The following ZDHHC11B variants were observed in gnomAD, a reference collection of about 807,000 sequenced individuals.
The protein encoded by ZDHHC11B is probable palmitoyltransferase ZDHHC11B.
A neutral mutation model predicts 42.3 loss-of-function variants in ZDHHC11B; 17 were observed. The observed-to-expected ratio is 0.40, with a 90% CI of 0.27 to 0.60. The LOEUF (loss-of-function observed/expected upper bound fraction) is 0.60. Among genes scored for constraint, ZDHHC11B ranks in the 20% least tolerant of loss-of-function variants. The pLI, the probability that ZDHHC11B is intolerant of heterozygous loss-of-function variation, is 0.41. For synonymous variants in ZDHHC11B, 123 were observed against 193.5 expected (o/e 0.64, Z 3.02); for missense variants, 262 against 463.2 (o/e 0.57, Z 3.99).
intron 12 of ZDHHC11B, among the ~76,000 whole-genome samples, chr5:726,289 C>T (rs1392932413): frequency 8.6e-5 from 13 of 151,420 alleles, no homozygotes; most frequent in Admixed American, 2.0e-4. Context: ...TTGTAATGTG[C>T]GCAGCAGGCA....
At chr5:777,915 G>T (rs904691917) in intron 1 of ZDHHC11B, among the ~76,000 whole-genome samples, 1 of 151,064 alleles carries the variant, frequency 6.6e-6, no homozygotes, top group Non-Finnish European at 1.5e-5. Flanking sequence ...CGGGGCGGGG[G>T]AGGGGGGGCG....
chr5:739,442 A>G (rs1231384397), intron 10 of ZDHHC11B, among the ~76,000 whole-genome samples: 6 of 151,022 alleles, frequency 4.0e-5, no homozygotes, highest in African/African-American at 1.5e-4. Context: ...ATCCCATCAA[A>G]AAGTGGGCAA....
rs1394642408 is a variant in ZDHHC11B, at chr5:750,911, C to T, written c.628+222G>A. On this transcript the variant is annotated intron_variant, in intron 7 of 13. Coordinates refer to ENST00000508859, the MANE Select transcript of ZDHHC11B (RefSeq NM_001351303.2). Reference sequence around the variant, plus strand: ...CGACCTGGCAGCATCTACAGAGCAGCGTGGCCAGCGCCCTCCCCGAGCCTG... The same window carrying T: ...CGACCTGGCAGCATCTACAGAGCAGTGTGGCCAGCGCCCTCCCCGAGCCTG... Among the ~76,000 whole-genome samples, 5 of 120,664 alleles carry T rather than the reference C, an allele frequency of 4.1e-5. 1 individual carries two copies. Among genetic ancestry groups the T allele is most frequent in the African/African-American group, 1.3e-4 (5 of 37,998 alleles). 79.2% of individuals were successfully genotyped at this position (120,664 alleles called of 152,430 possible).
chr5:753,676 T>C (rs1258346722), intron 6 of ZDHHC11B, among the ~76,000 whole-genome samples: 1 of 148,276 alleles, frequency 6.7e-6, no homozygotes, highest in Non-Finnish European at 1.5e-5. Context: ...AGGAGGCGGG[T>C]GGGTCTCCCC....
In ZDHHC11B at chr5:710,851, TACTGTGAGCTCCCATTTCC is replaced by T; in HGVS notation, c.*1420_*1438del. 1 of 146,058 alleles carries T rather than the reference TACTGTGAGCTCCCATTTCC, an allele frequency of 6.8e-6. No homozygotes were observed. Among genetic ancestry groups the T allele is most frequent in the African/African-American group, 2.6e-5 (1 of 37,866 alleles). The allele number at this position is 146,058 out of a possible 1,614,324, so 9.0% of individuals were successfully genotyped here. On this transcript the variant is annotated 3_prime_UTR_variant, in exon 14 of 14. Transcript: ENST00000508859. Reference sequence around the variant, plus strand: ...AGTACTGTGAGCTCCCATTTCCCAGTACTGTGAGCTCCCATTTCCCAGTACTGTGCTCCCAATTCCCAGT... The same window carrying T: ...AGTACTGTGAGCTCCCATTTCCCAGTCAGTACTGTGCTCCCAATTCCCAGT...
Position 777,540 on chromosome 5 carries a change from G to A in ZDHHC11B, c.-230+7128C>T, listed in dbSNP as rs572172397. On this transcript the variant is annotated intron_variant, in intron 1 of 13. Coordinates refer to ENST00000508859, the MANE Select transcript of ZDHHC11B (RefSeq NM_001351303.2). Reference sequence around the variant, plus strand: ...AACTTTCCACAGCGGAGAAGAGAATGGAGTCAGGTTGCGGCAGGGCGTTCC... The same window carrying A: ...AACTTTCCACAGCGGAGAAGAGAATAGAGTCAGGTTGCGGCAGGGCGTTCC... Among the ~76,000 whole-genome samples the A allele has an allele frequency of 6.1e-4, 92 of 151,986 alleles. 3 individuals are homozygous for A. The highest frequency in any genetic ancestry group is 9.7e-4 in the African/African-American group (40 of 41,446).
intron 11 of ZDHHC11B, chr5:732,544 C>A: frequency 5.1e-6 from 2 of 391,340 alleles, no homozygotes; most frequent in South Asian, 1.9e-5. Flanking sequence ...GCTGGAAGTG[C>A]AGGCAAGGGG....
intron 12 of ZDHHC11B, among the ~76,000 whole-genome samples, chr5:722,013 CA>C (rs1436864753): frequency 6.6e-6 from 1 of 151,664 alleles, no homozygotes; most frequent in African/African-American, 2.4e-5. Context: ...AATACAAATC[CA>C]TAGAGGGAAG....
At chr5:742,996 G>A (rs1216245936) in intron 9 of ZDHHC11B, among the ~76,000 whole-genome samples, 4 of 149,794 alleles carry the variant, frequency 2.7e-5, no homozygotes, top group African/African-American at 4.9e-5. Context: ...ATGGATTTGG[G>A]GCTAATTCTT....
intron 10 of ZDHHC11B, among the ~76,000 whole-genome samples, chr5:740,372 G>A (rs1744033858): frequency 1.2e-5 from 1 of 81,116 alleles, no homozygotes; most frequent in Non-Finnish European, 2.8e-5. Flanking sequence ...CATGAGGTCA[G>A]GAGATAGAGA....
chr5:725,767 C>A (rs1285147670), intron 12 of ZDHHC11B, among the ~76,000 whole-genome samples: 3 of 151,986 alleles, frequency 2.0e-5, no homozygotes, highest in Admixed American at 6.5e-5. Context: ...AAGTTCCAGA[C>A]AAGCACCATT....
At chr5:720,345 AG>A in intron 12 of ZDHHC11B, among the ~76,000 whole-genome samples, 1 of 151,824 alleles carries the variant, frequency 6.6e-6, no homozygotes, top group Non-Finnish European at 1.5e-5. Context: ...GAAACTAAGG[AG>A]GCTCAAAGGC....
In ZDHHC11B at chr5:777,779, A is replaced by G. The variant is rs558329173; in HGVS notation, c.-230+6889T>C. On this transcript the variant is annotated intron_variant, in intron 1 of 13. Coordinates refer to ENST00000508859, the MANE Select transcript of ZDHHC11B (RefSeq NM_001351303.2). ...AGCTAGCTTTCTCTATCGGATCCTG[A>G]GCCCCGCAGCAGGCGGAGCTGCCCG... Among the ~76,000 whole-genome samples the G allele has an allele frequency of 8.6e-5, 13 of 152,020 alleles. No homozygotes were observed. In the South Asian group the frequency reaches 2.7e-3, roughly 32 times the overall value.
chr5:733,852 G>A lies in ZDHHC11B; in HGVS notation c.936-13C>T, dbSNP rs2020058. 2.3e-3 allele frequency: 3,686 copies of A among 1,584,232 alleles called. 200 individuals are homozygous for A. The highest frequency in any genetic ancestry group is 0.023 in the African/African-American group (1,571 of 68,484). ...CTTGGCCTTGACTCTGGTGGGACAG[G>A]AAGGAGGAGAGAAACTCATCTCAGC... On this transcript the variant is annotated splice_polypyrimidine_tract_variant and intron_variant, in intron 10 of 13. Transcript: ENST00000508859.
At chr5:722,005 T>C (rs1742229170) in intron 12 of ZDHHC11B, among the ~76,000 whole-genome samples, 1 of 151,640 alleles carries the variant, frequency 6.6e-6, no homozygotes, top group South Asian at 2.1e-4. Flanking sequence ...CTGGAAACAA[T>C]ACAAATCCAT....
At position 746,441 on chromosome 5, in the gene ZDHHC11B, C is replaced by T. The variant is rs187498935; in HGVS notation, c.785-1143G>A. ...TCACGGGGGTGGGGACAGGCCTGGG[C>T]GTCCTGCTTCCAGGCATCCTGCCTC... is the stretch of plus-strand genomic sequence containing the variant. On this transcript the variant is annotated intron_variant, in intron 8 of 13. Transcript: ENST00000508859. 3.5e-3 allele frequency among the ~76,000 whole-genome samples: 466 copies of T among 131,590 alleles called. 2 individuals carry two copies. The highest frequency in any genetic ancestry group is 0.011 in the African/African-American group (433 of 39,928). 86.3% of individuals were successfully genotyped at this position (131,590 alleles called of 152,430 possible). A position where few individuals can be genotyped will look rare whatever the true frequency, so the allele number is the denominator to read the frequency against.
intron 1 of ZDHHC11B, among the ~76,000 whole-genome samples, chr5:773,203 C>T (rs1736199318): frequency 6.6e-6 from 1 of 151,938 alleles, no homozygotes; most frequent in African/African-American, 2.4e-5. Context: ...CCTTGGCGCT[C>T]TCCACCGAGC....
Position 710,921 on chromosome 5 carries a change from T to TGCTCCCATTTCCCAGTGCTGTGA in ZDHHC11B, c.*1346_*1368dup, listed in dbSNP as rs1741317792. The TGCTCCCATTTCCCAGTGCTGTGA allele has an allele frequency of 2.7e-5, 1 of 37,320 alleles. No homozygotes were observed. The highest frequency in any genetic ancestry group is 5.8e-5 in the Non-Finnish European group (1 of 17,286). The allele number at this position is 37,320 out of a possible 1,614,324, so 2.3% of individuals were successfully genotyped here. On this transcript the variant is annotated 3_prime_UTR_variant, in exon 14 of 14. Transcript: ENST00000508859. ...ACTGTGCTCCCATTTCCCAATGCTA[T>TGCTCCCATTTCCCAGTGCTGTGA]GCTCCCATTTCCCAGTGCTGTGAGC...
At chr5:737,406 A>G (rs1433620140) in intron 10 of ZDHHC11B, among the ~76,000 whole-genome samples, 2 of 149,554 alleles carry the variant, frequency 1.3e-5, no homozygotes, top group Non-Finnish European at 3.0e-5. Context: ...TATCTTATGG[A>G]AACTATTACA....
Sources: allele counts gnomAD v4.1 joint callset (sites outside exome capture counted in the v4.1 genomes callset), GRCh38; gene constraint gnomAD v4.1.1; transcripts MANE v1.5; gene names NCBI Gene and HGNC (gene_info 2026-07-23, HGNC 2026-07-21).